Variants in ATIC observed in about 807,000 individuals in gnomAD.
ATIC encodes bifunctional purine biosynthesis protein ATIC.
ATIC carries 64 observed loss-of-function variants against 72.5 expected under a neutral mutation model. The observed-to-expected ratio is 0.88, with a 90% CI of 0.72 to 1.09. The LOEUF (loss-of-function observed/expected upper bound fraction) is 1.09. Among genes scored for constraint, ATIC ranks in the 50% least tolerant of loss-of-function variants. The pLI, the probability that ATIC is intolerant of heterozygous loss-of-function variation, is 0.00. For missense variants in ATIC, 787 were observed against 732.4 expected (o/e 1.07, Z -0.86); for synonymous variants, 281 against 267.1 (o/e 1.05, Z -0.51).
At position 215,319,745 on chromosome 2, in the gene ATIC, A is replaced by G. The variant is rs529604608; in HGVS notation, c.290+14A>G. On this transcript the variant is annotated intron_variant, in intron 4 of 15. Coordinates refer to ENST00000236959, the MANE Select transcript of ATIC (RefSeq NM_004044.7). ...CAATCTTATAAGGTAAAAACCTGAA[A>G]TTAAACTTTTAACACATTACGAACC... The G allele has an allele frequency of 6.3e-7, 1 of 1,594,530 alleles. No homozygotes were observed. Among genetic ancestry groups the G allele is most frequent in the East Asian group, 2.2e-5 (1 of 44,762 alleles).
In ATIC at chr2:215,325,234, T is replaced by C; in HGVS notation, c.291-7T>C. The C allele has an allele frequency of 6.2e-7, 1 of 1,611,666 alleles. No individual in the cohort carries two copies. Among genetic ancestry groups the C allele is most frequent in the Non-Finnish European group, 8.5e-7 (1 of 1,177,842 alleles). Reference sequence around the variant, plus strand: ...TAATGACAGCCAGATTCGTCTTTGTTTTATAGAGTTGTTGCCTGCAATCTC... The same window carrying C: ...TAATGACAGCCAGATTCGTCTTTGTCTTATAGAGTTGTTGCCTGCAATCTC... On this transcript the variant is annotated splice_region_variant and splice_polypyrimidine_tract_variant and intron_variant, in intron 4 of 15. Coordinates refer to ENST00000236959, the MANE Select transcript of ATIC (RefSeq NM_004044.7).
chr2:215,347,076 A>T (rs556796546), intron 14 of ATIC, 135 bp downstream of exon 14: 16 of 1,154,216 alleles, frequency 1.4e-5, no homozygotes, highest in Non-Finnish European at 1.9e-5. Flanking sequence ...AAAATTGATC[A>T]TTGAAACTTC....
chr2:215,351,396 G>A (rs1466767171), downstream of ATIC, among the ~76,000 whole-genome samples: 1 of 152,160 alleles, frequency 6.6e-6, no homozygotes, highest in African/African-American at 2.4e-5. Context: ...ACAGATTTTG[G>A]CTTGTAAATT....
At chr2:215,350,714 TACAGTGGGC>T (rs2053123837), downstream of ATIC, among the ~76,000 whole-genome samples, 1 of 152,206 alleles carries the variant, frequency 6.6e-6, no homozygotes, top group Non-Finnish European at 1.5e-5. Context: ...GCTTAATCAC[TACAGTGGGC>T]ACAGTGGGAG....
chr2:215,312,216 T>G (rs1440292235), intron 1 of ATIC, 55 bp downstream of exon 1: 2 of 1,467,930 alleles, frequency 1.4e-6, no homozygotes, highest in African/African-American at 3.0e-5. Flanking sequence ...CCCCCCACGC[T>G]CCCGCCTTGG....
intron 9 of ATIC, among the ~76,000 whole-genome samples, chr2:215,334,662 C>T (rs2052935707): frequency 6.6e-6 from 1 of 152,092 alleles, no homozygotes; most frequent in South Asian, 2.1e-4. Context: ...AGCCTGCCAC[C>T]CTGTTTTTGT....
chr2:215,365,811 T>A, the ATIC span: 70,761 of 246,640 alleles, frequency 0.29, 7,997 homozygotes, highest in Non-Finnish European at 0.33. Flanking sequence ...TTTTTATTTT[T>A]TTTTTTTTTT....
chr2:215,341,120 A>C lies in ATIC; in HGVS notation c.1227+2213A>C, dbSNP rs144142379. Among the ~76,000 whole-genome samples the C allele has an allele frequency of 3.7e-4, 56 of 152,354 alleles. 1 individual carries two copies. In the East Asian group the frequency reaches 0.011, roughly 29 times the overall value. Reference sequence around the variant, plus strand: ...CAGAGAGTTCTGTCTGTTGATAAGCATACGACGATTAACATATCTTTTTTG... The same window carrying C: ...CAGAGAGTTCTGTCTGTTGATAAGCCTACGACGATTAACATATCTTTTTTG... On this transcript the variant is annotated intron_variant, in intron 12 of 15. Coordinates refer to ENST00000236959, the MANE Select transcript of ATIC (RefSeq NM_004044.7).
intron 8 of ATIC, 63 bp from the exon 9 acceptor site, chr2:215,333,287 T>G (rs1322844092): frequency 1.2e-5 from 17 of 1,389,892 alleles, no homozygotes; most frequent in Non-Finnish European, 1.4e-5. Context: ...CTGTCTTGAT[T>G]TAGGAGTTGA....
At chr2:215,362,326 T>C in the ATIC span, 16 of 505,156 alleles carry the variant, frequency 3.2e-5, no homozygotes, top group African/African-American at 2.9e-4. Context: ...GTCTCTTCTC[T>C]TCCTATTCAA....
At chr2:215,323,103 C>T (rs1196570779) in intron 4 of ATIC, among the ~76,000 whole-genome samples, 1 of 152,108 alleles carries the variant, frequency 6.6e-6, no homozygotes, top group Non-Finnish European at 1.5e-5. Flanking sequence ...CGCTACCATG[C>T]GCAGCTAATT....
Position 215,332,526 on chromosome 2 carries a change from G to C in ATIC, c.814+19G>C, listed in dbSNP as rs1260378160. 1 of 1,613,896 alleles carries C rather than the reference G, an allele frequency of 6.2e-7. No homozygotes were observed. Among genetic ancestry groups the C allele is most frequent in the East Asian group, 2.2e-5 (1 of 44,864 alleles). On this transcript the variant is annotated intron_variant, in intron 8 of 15. Transcript: ENST00000236959. The stretch of plus-strand genomic sequence containing the variant: ...CCAGCAGGTAAAGCTCTGTGCTCTG[G>C]AAAGCTCCAGAATTGTTCGAAAGGC...
At position 215,326,994 on chromosome 2, in the gene ATIC, T is replaced by C; in HGVS notation, c.688+16T>C. The C allele has an allele frequency of 6.2e-7, 1 of 1,614,178 alleles. No individual in the cohort carries two copies. Among genetic ancestry groups the C allele is most frequent in the Non-Finnish European group, 8.5e-7 (1 of 1,180,030 alleles). The stretch of plus-strand genomic sequence containing the variant: ...CCCATCACAGGTAAAGCCCGAGCGT[T>C]CTGTGGCATGGTTTGCTGTGCCTGG... On this transcript the variant is annotated intron_variant, in intron 7 of 15. Transcript: ENST00000236959.
chr2:215,344,687 A>G (rs1023743652), intron 12 of ATIC, 92 bp from the exon 13 acceptor site: 30 of 1,311,180 alleles, frequency 2.3e-5, no homozygotes, highest in Non-Finnish European at 3.1e-5. Context: ...CTGACTCAAA[A>G]AAACCACAAA....
chr2:215,356,461 T>C, the ATIC span, among the ~76,000 whole-genome samples: 2 of 152,254 alleles, frequency 1.3e-5, 1 homozygote, highest in Admixed American at 1.3e-4. Flanking sequence ...ATAAAATTTA[T>C]GTAACGTAAA....
the ATIC span, chr2:215,367,813 G>A: frequency 1.3e-6 from 2 of 1,593,308 alleles, no homozygotes; most frequent in Non-Finnish European, 8.6e-7. Flanking sequence ...GTGCATGCAT[G>A]GAACTTGAGG....
At chr2:215,320,100 T>C (rs768224425) in intron 4 of ATIC, among the ~76,000 whole-genome samples, 1 of 152,226 alleles carries the variant, frequency 6.6e-6, no homozygotes, top group Non-Finnish European at 1.5e-5. Flanking sequence ...CCAAGTGTCA[T>C]GTTGACGCTC....
intron 7 of ATIC, among the ~76,000 whole-genome samples, chr2:215,331,699 A>G (rs2106016814): frequency 6.6e-6 from 1 of 152,066 alleles, no homozygotes; most frequent in South Asian, 2.1e-4. Context: ...GTTTTTAATT[A>G]GTGCTGGCCC....
At chr2:215,352,212 C>T (rs1484035622), downstream of ATIC, among the ~76,000 whole-genome samples, 1 of 152,064 alleles carries the variant, frequency 6.6e-6, no homozygotes, top group Admixed American at 6.5e-5. Flanking sequence ...AATAAATGTA[C>T]CATGCTAATG....
Sources: gnomAD v4.1 joint callset for allele counts (sites outside exome capture counted in the v4.1 genomes callset) on GRCh38, gnomAD v4.1.1 for gene constraint, MANE v1.5 for transcripts, NCBI Gene and HGNC (gene_info 2026-07-23, HGNC 2026-07-21) for gene names.